SRD5A2: variants seen among roughly 807,000 people sequenced by gnomAD.
SRD5A2 encodes the protein steroid 5 alpha-reductase 2, also known as 3-oxo-5-alpha-steroid 4-dehydrogenase 2.
A neutral mutation model predicts 27.4 loss-of-function variants in SRD5A2; 30 were observed. That is an observed-to-expected ratio of 1.10 (90% CI 0.82 to 1.49). The LOEUF is 1.49. Among genes scored for constraint, SRD5A2 ranks in the 40% most tolerant of loss-of-function variants. The probability of loss-of-function intolerance (pLI) is 0.00; values close to 1 mark genes in which losing one functional copy is unlikely to be tolerated. For missense variants in SRD5A2, 348 were observed against 323.4 expected, an observed-to-expected ratio of 1.08 and a Z score of -0.58; for synonymous variants, 141 against 133.6, an observed-to-expected ratio of 1.06 and a Z score of -0.38.
chr2:31,551,059 A>T (rs1294023761), intron 1 of SRD5A2, among the ~76,000 whole-genome samples: 3 of 152,196 alleles, frequency 2.0e-5, no homozygotes, highest in African/African-American at 7.2e-5. Context: ...TCTATTTGCT[A>T]CTAATGAATA....
intron 1 of SRD5A2, among the ~76,000 whole-genome samples, chr2:31,543,134 G>C (rs1443066751): frequency 6.6e-6 from 1 of 152,132 alleles, no homozygotes; most frequent in African/African-American, 2.4e-5. Flanking sequence ...GAGATAAGAA[G>C]GCAGTGGGCT....
At chr2:31,573,402 G>C (rs1057147795) in intron 1 of SRD5A2, among the ~76,000 whole-genome samples, 27 of 152,288 alleles carry the variant, frequency 1.8e-4, no homozygotes, top group African/African-American at 6.0e-4. Context: ...CTCGTTAAAG[G>C]CTCCTGGGTT....
chr2:31,591,868 A>G, the SRD5A2 span, among the ~76,000 whole-genome samples: 28 of 134,150 alleles, frequency 2.1e-4, no homozygotes, highest in African/African-American at 7.9e-4. Context: ...GTTTTCACTC[A>G]TAGGTGGGAA....
At chr2:31,581,052 C>A, upstream of SRD5A2, 4 of 714,006 alleles carry the variant, frequency 5.6e-6, no homozygotes, top group Non-Finnish European at 7.7e-6. Flanking sequence ...CGCGTCCAGC[C>A]CTGGCGCGGT....
rs756853742 is a variant in SRD5A2 at position 31,529,407 on chromosome 2, C to T, written c.598G>A (p.Glu200Lys). 8.1e-6 allele frequency: 13 copies of T among 1,613,928 alleles called. No individual in the cohort carries two copies. In the South Asian group the frequency reaches 1.4e-4, roughly 18 times the overall value. ...SGANFLGEII[E>K]WIGYALATWS... ...GTGGCCAGGGCATAGCCGATCCATT[C>T]AATGATCTCACCGAGGAAATTGGCT... Residue 200 changes from glutamate to lysine, a missense_variant, in exon 4 of 5, where the codon GAA becomes AAA. Coordinates refer to ENST00000622030, the MANE Select transcript of SRD5A2 (RefSeq NM_000348.4).
At chr2:31,634,422 CAT>C in the SRD5A2 span, among the ~76,000 whole-genome samples, 1 of 152,044 alleles carries the variant, frequency 6.6e-6, no homozygotes, top group Non-Finnish European at 1.5e-5. Flanking sequence ...AGAGGGAAAA[CAT>C]AGAGGATGGG....
chr2:31,629,983 G>T, the SRD5A2 span, among the ~76,000 whole-genome samples: 12 of 152,190 alleles, frequency 7.9e-5, no homozygotes, highest in Admixed American at 7.9e-4. Flanking sequence ...AACCCAGAGA[G>T]TCCTGTCCCT....
the SRD5A2 span, among the ~76,000 whole-genome samples, chr2:31,618,320 C>A: frequency 1.3e-5 from 2 of 152,032 alleles, no homozygotes; most frequent in Non-Finnish European, 2.9e-5. Flanking sequence ...GGGAACACAG[C>A]CAAACCATAT....
chr2:31,547,801 A>G (rs1458479939), intron 1 of SRD5A2, among the ~76,000 whole-genome samples: 1 of 152,180 alleles, frequency 6.6e-6, no homozygotes, highest in Non-Finnish European at 1.5e-5. Flanking sequence ...CTCAGCCTAC[A>G]TAATCAAGTG....
the SRD5A2 span, among the ~76,000 whole-genome samples, chr2:31,589,606 T>C: frequency 6.6e-6 from 1 of 152,286 alleles, no homozygotes; most frequent in East Asian, 1.9e-4. Flanking sequence ...AGGGAAACCA[T>C]TCCTGGCCTC....
At chr2:31,535,970 G>C (rs534274396) in intron 1 of SRD5A2, among the ~76,000 whole-genome samples, 36 of 152,324 alleles carry the variant, frequency 2.4e-4, no homozygotes, top group African/African-American at 8.2e-4. Context: ...TCTGTAAACT[G>C]AGGTTAATTA....
At chr2:31,647,642 CAACT>C in the SRD5A2 span, among the ~76,000 whole-genome samples, 1 of 152,164 alleles carries the variant, frequency 6.6e-6, no homozygotes, top group South Asian at 2.1e-4. Flanking sequence ...CTCTGCTGGC[CAACT>C]AACTCCTCAG....
intron 1 of SRD5A2, among the ~76,000 whole-genome samples, chr2:31,544,736 A>C (rs1037424819): frequency 6.6e-6 from 1 of 151,936 alleles, no homozygotes; most frequent in Non-Finnish European, 1.5e-5. Context: ...ATAGAAAAAC[A>C]AGGGTAAAAC....
the SRD5A2 span, among the ~76,000 whole-genome samples, chr2:31,593,728 C>T: frequency 6.6e-6 from 1 of 152,108 alleles, no homozygotes; most frequent in Non-Finnish European, 1.5e-5. Context: ...AAAAGATAAT[C>T]ACCAAGGAAC....
chr2:31,589,813 G>A, the SRD5A2 span, among the ~76,000 whole-genome samples: 24 of 152,166 alleles, frequency 1.6e-4, no homozygotes, highest in Non-Finnish European at 2.6e-4. Flanking sequence ...GGCAGGCAGG[G>A]AAGGGAGGCC....
chr2:31,653,082 T>C, the SRD5A2 span, among the ~76,000 whole-genome samples: 2 of 152,150 alleles, frequency 1.3e-5, no homozygotes, highest in Non-Finnish European at 2.9e-5. Flanking sequence ...ATTTGCATTT[T>C]TCCCACACTA....
In SRD5A2 at chr2:31,524,997, G is replaced by C; in HGVS notation, c.*1199C>G. ...CTTTTTAAATGAAACTAGAATGCTA[G>C]AGTTTTATGAAGGAATCTCCTGATT... On this transcript the variant is annotated 3_prime_UTR_variant, in exon 5 of 5. Coordinates refer to ENST00000622030, the MANE Select transcript of SRD5A2 (RefSeq NM_000348.4). 1 of 216,424 alleles carries C rather than the reference G, an allele frequency of 4.6e-6. No individual in the cohort carries two copies. The highest frequency in any genetic ancestry group is 9.3e-6 in the Non-Finnish European group (1 of 107,762). The allele number at this position is 216,424 out of a possible 1,614,324, so 13.4% of individuals were successfully genotyped here.
the SRD5A2 span, among the ~76,000 whole-genome samples, chr2:31,622,091 T>TAGC: frequency 6.6e-6 from 1 of 152,054 alleles, no homozygotes; most frequent in African/African-American, 2.4e-5. Flanking sequence ...CAGCACCCAT[T>TAGC]AGCTATTCTT....
chr2:31,624,006 A>G, the SRD5A2 span, among the ~76,000 whole-genome samples: 1 of 152,146 alleles, frequency 6.6e-6, no homozygotes, highest in Non-Finnish European at 1.5e-5. Flanking sequence ...TTGGTTTGCC[A>G]GTATTTTATT....
Sources: gnomAD v4.1 joint callset for allele counts (sites outside exome capture counted in the v4.1 genomes callset) on GRCh38, gnomAD v4.1.1 for gene constraint, MANE v1.5 for transcripts, NCBI Gene and HGNC (gene_info 2026-07-23, HGNC 2026-07-21) for gene names.